KDM1A: variants seen among roughly 807,000 people sequenced by gnomAD.
The protein encoded by KDM1A is lysine-specific histone demethylase 1A.
A neutral mutation model predicts 109.4 loss-of-function variants in KDM1A; 49 were observed. The ratio of observed to expected loss-of-function variants is 0.45; its 90% CI spans 0.36 to 0.57. KDM1A has a LOEUF of 0.57. KDM1A is among the 20% of genes least tolerant of loss of function. The pLI, the probability that KDM1A is intolerant of heterozygous loss-of-function variation, is 0.00. For missense variants in KDM1A, 668 were observed against 1,116.6 expected (o/e 0.60, Z 5.73); for synonymous variants, 380 against 415.4 (o/e 0.91, Z 1.04).
chr1:23,037,149 C>G (rs902496469), intron 2 of KDM1A, among the ~76,000 whole-genome samples: 6 of 151,530 alleles, frequency 4.0e-5, no homozygotes, highest in African/African-American at 1.5e-4. Context: ...CACACACACA[C>G]ACAAATTAGC....
At position 23,055,159 on chromosome 1, in the gene KDM1A, C is replaced by T. The variant is rs1557553416; in HGVS notation, c.881C>T (p.Pro294Leu). 2 of 1,588,088 alleles carry T rather than the reference C, an allele frequency of 1.3e-6. No individual in the cohort carries two copies. Among genetic ancestry groups the T allele is most frequent in the Admixed American group, 1.7e-5 (1 of 57,250 alleles). ...ATCTATAAGAGGATAAAACCCCTACCAAGTAAGGACCTCCTACCTGGCTGA... is the reference window on the plus strand; with the variant it reads ...ATCTATAAGAGGATAAAACCCCTACTAAGTAAGGACCTCCTACCTGGCTGA... The part of the protein sequence containing the change: ...FGIYKRIKPL[P>L]TKKTGKVIII... Residue 294 changes from proline (P) to leucine (L), a missense_variant and splice_region_variant, in exon 6 of 21, where the codon CCA (proline) becomes CTA (leucine). By Grantham distance (98) the Pro-to-Leu change is moderately conservative. Coordinates refer to ENST00000400181, the MANE Select transcript of KDM1A (RefSeq NM_001009999.3).
chr1:23,039,984 A>C (rs1642259752), intron 2 of KDM1A, among the ~76,000 whole-genome samples: 1 of 152,266 alleles, frequency 6.6e-6, no homozygotes, highest in Non-Finnish European at 1.5e-5. Flanking sequence ...CGGTAGAGAC[A>C]TATATTCCAA....
chr1:23,037,480 A>G (rs1642184427), intron 2 of KDM1A, among the ~76,000 whole-genome samples: 1 of 152,212 alleles, frequency 6.6e-6, no homozygotes, highest in African/African-American at 2.4e-5. Flanking sequence ...GTTTTGAAGT[A>G]TAAATACATT....
chr1:23,070,431 A>G (rs1643283439), intron 12 of KDM1A, among the ~76,000 whole-genome samples: 2 of 152,000 alleles, frequency 1.3e-5, no homozygotes, highest in South Asian at 4.2e-4. Flanking sequence ...AGATTGTGCC[A>G]TTGCACTCTA....
At chr1:23,065,599 C>CA (rs1212311215) in intron 9 of KDM1A, among the ~76,000 whole-genome samples, 4 of 152,180 alleles carry the variant, frequency 2.6e-5, no homozygotes, top group Non-Finnish European at 4.4e-5. Flanking sequence ...CTGACAATCT[C>CA]ACATAATCTC....
chr1:23,075,854 A>G (rs952107700), intron 15 of KDM1A, among the ~76,000 whole-genome samples: 1 of 150,702 alleles, frequency 6.6e-6, no homozygotes, highest in Non-Finnish European at 1.5e-5. Flanking sequence ...GACTGAGGCA[A>G]GAGAATCGCT....
At chr1:23,045,536 G>A (rs1224911212) in intron 3 of KDM1A, among the ~76,000 whole-genome samples, 3 of 152,180 alleles carry the variant, frequency 2.0e-5, no homozygotes, top group Non-Finnish European at 4.4e-5. Context: ...TAGATCTGTG[G>A]CATATAAACC....
intron 9 of KDM1A, among the ~76,000 whole-genome samples, chr1:23,062,444 G>GT (rs759660171): frequency 1.4e-4 from 22 of 152,122 alleles, no homozygotes; most frequent in Non-Finnish European, 2.5e-4. Context: ...GTCAAAAAAC[G>GT]TAACTTGTTG....
In KDM1A at chr1:23,038,254, T is replaced by TTGTGTGTGTGTG. The variant is rs56016343; in HGVS notation, c.518-6147_518-6136dup. On this transcript the variant is annotated intron_variant, in intron 2 of 20. Transcript: ENST00000400181. ...TAACTTTTTAAGCATCTGGAACTGT[T>TTGTGTGTGTGTG]TGTGTGTGTGTGTGTGTGTGTGTGT... 3.4e-5 allele frequency among the ~76,000 whole-genome samples: 5 copies of TTGTGTGTGTGTG among 149,208 alleles called. No individual in the cohort carries two copies. The East Asian group carries it at 5.9e-4, about 18-fold the overall frequency.
intron 2 of KDM1A, among the ~76,000 whole-genome samples, chr1:23,037,707 A>G (rs1642191090): frequency 6.6e-6 from 1 of 152,232 alleles, no homozygotes; most frequent in Non-Finnish European, 1.5e-5. Flanking sequence ...TAAACATGAA[A>G]GGATGAAGCA....
intron 1 of KDM1A, among the ~76,000 whole-genome samples, chr1:23,023,294 A>G (rs968278039): frequency 3.3e-5 from 5 of 152,132 alleles, no homozygotes; most frequent in South Asian, 2.1e-4. Flanking sequence ...GCCTTATCCA[A>G]TGTCACGAGG....
intron 10 of KDM1A, among the ~76,000 whole-genome samples, chr1:23,066,706 G>A (rs1042562019): frequency 3.3e-5 from 5 of 152,136 alleles, no homozygotes; most frequent in Non-Finnish European, 7.4e-5. Context: ...GCAGTCAGGC[G>A]CATTGCATCT....
chr1:23,044,997 T>G (rs1642461981), intron 3 of KDM1A, among the ~76,000 whole-genome samples: 1 of 152,220 alleles, frequency 6.6e-6, no homozygotes. Flanking sequence ...TTAATCATTC[T>G]TCAGTTTAAA....
At position 23,079,524 on chromosome 1, in the gene KDM1A, C is replaced by T. The variant is rs1643560050; in HGVS notation, c.2056-29C>T. ...AGCCAGTATTATCTGGCCCCTGTCA[C>T]TGGCTCATGTGCTTCTTTCTTATGG... On this transcript the variant is annotated intron_variant, in intron 17 of 20. Transcript: ENST00000400181. This position sits in a 1 kb window ranked among gnomAD's most constrained non-coding sequence, Gnocchi z 5.6. 5 of 1,562,044 alleles carry T rather than the reference C, an allele frequency of 3.2e-6. No homozygotes were observed. The Admixed American group carries it at 8.6e-5, about 27-fold the overall frequency.
At chr1:23,045,667 TTC>T (rs1003552915) in intron 3 of KDM1A, among the ~76,000 whole-genome samples, 4 of 151,974 alleles carry the variant, frequency 2.6e-5, no homozygotes, top group African/African-American at 9.7e-5. Context: ...TGTTTTTTGT[TTC>T]TGTTTTTTTT....
intron 8 of KDM1A, 79 bp from the exon 9 acceptor site, chr1:23,058,994 G>A (rs1198655315): frequency 3.8e-6 from 3 of 779,332 alleles, no homozygotes; most frequent in African/African-American, 1.8e-5. Context: ...TATATTTTGA[G>A]TAAAAATATT....
chr1:23,027,721 CTT>C (rs34716853), intron 1 of KDM1A, among the ~76,000 whole-genome samples: 12 of 136,468 alleles, frequency 8.8e-5, no homozygotes, highest in South Asian at 2.4e-4. Context: ...CGCTCCCAGC[CTT>C]TTTTTTTTTT....
At chr1:23,081,387 G>T in intron 18 of KDM1A, 59 bp from the exon 19 acceptor site, 1 of 1,599,104 alleles carries the variant, frequency 6.3e-7, no homozygotes, top group Non-Finnish European at 8.6e-7. Context: ...GGCCTGATAA[G>T]GAAGTTTTTG....
chr1:23,025,096 A>G (rs762282643), intron 1 of KDM1A, among the ~76,000 whole-genome samples: 26 of 152,350 alleles, frequency 1.7e-4, no homozygotes, highest in African/African-American at 4.6e-4. Flanking sequence ...TTGCTGTCCA[A>G]TATGGTAGCC....
Sources: allele counts gnomAD v4.1 joint callset (sites outside exome capture counted in the v4.1 genomes callset), GRCh38; gene constraint gnomAD v4.1.1; non-coding constraint Gnocchi (gnomAD v3.1); transcripts MANE v1.5; gene names NCBI Gene and HGNC (gene_info 2026-07-23, HGNC 2026-07-21).